DENND3: variants seen among roughly 807,000 people sequenced by gnomAD.
The protein encoded by DENND3 is DENN domain-containing protein 3.
DENND3 carries 88 observed loss-of-function variants against 135.1 expected under a neutral mutation model. The observed-to-expected ratio is 0.65, with a 90% CI of 0.55 to 0.78. The LOEUF (loss-of-function observed/expected upper bound fraction) is 0.78, where lower values mean the gene tolerates loss of function less well. DENND3 is among the 30% of genes least tolerant of loss of function. DENND3 has a pLI of 0.00. For missense variants in DENND3, 1,392 were observed against 1,688.4 expected (o/e 0.82, Z 3.08); for synonymous variants, 693 against 712.3 (o/e 0.97, Z 0.43).
chr8:141,128,797 A>G lies in DENND3; in HGVS notation c.90A>G (p.Arg30=). ...ALLGAPRDSL[R]SLEQVAYKKG... ...TGGGCGCCCCCCGGGACAGTCTCCG[A>G]AGTCTCGAGCAGGTGAGGGGCGGGG... Residue 30 remains arginine, a synonymous_variant, in exon 1 of 23, where the codon CGA becomes CGG. Coordinates refer to ENST00000519811, the MANE Select transcript of DENND3 (RefSeq NM_001352890.3). The surrounding 1 kb of genome is among the most constrained non-coding windows in gnomAD (Gnocchi z 4.5). The G allele has an allele frequency of 6.9e-7, 1 of 1,444,476 alleles. No homozygotes were observed. The highest frequency in any genetic ancestry group is 9.1e-7 in the Non-Finnish European group (1 of 1,095,914). The allele number at this position is 1,444,476 out of a possible 1,614,324, so 89.5% of individuals were successfully genotyped here.
rs766390950 is a variant in DENND3 at position 141,144,053 on chromosome 8, C to T, written c.624-95C>T. On this transcript the variant is annotated intron_variant, in intron 4 of 22. Transcript: ENST00000519811. This position sits in a 1 kb window ranked among gnomAD's most constrained non-coding sequence, Gnocchi z 4.4. ...AAGGTCCTGGAGCTGCTGCTGCAGA[C>T]GCTGGGGAGATTCCAGTGTGATTAG... is the stretch of plus-strand genomic sequence containing the variant. 7.6e-5 allele frequency: 81 copies of T among 1,064,914 alleles called. No homozygotes were observed. The highest frequency in any genetic ancestry group is 9.6e-5 in the Non-Finnish European group (71 of 735,898). 66.0% of individuals were successfully genotyped at this position (1,064,914 alleles called of 1,614,324 possible).
At chr8:141,134,963 C>G (rs942158105) in intron 1 of DENND3, among the ~76,000 whole-genome samples, 1 of 152,046 alleles carries the variant, frequency 6.6e-6, no homozygotes, top group Non-Finnish European at 1.5e-5. Context: ...CCCGCCCGGC[C>G]GAGTAGCTGG....
Position 141,171,908 on chromosome 8 carries a change from C to T in DENND3, c.2276-3292C>T, listed in dbSNP as rs574625338. Among the ~76,000 whole-genome samples, 74 of 147,002 alleles carry T rather than the reference C, an allele frequency of 5.0e-4. No individual in the cohort carries two copies. In the South Asian group the frequency reaches 0.016, roughly 32 times the overall value. The stretch of plus-strand genomic sequence containing the variant: ...GATGGGCATGCACAGTGGGTGTGCA[C>T]AGTGGCCGAGGGTGTGCATGGTGGT... On this transcript the variant is annotated intron_variant, in intron 13 of 22. Coordinates refer to ENST00000519811, the MANE Select transcript of DENND3 (RefSeq NM_001352890.3).
At position 141,192,437 on chromosome 8, in the gene DENND3, G is replaced by A; in HGVS notation, c.3486G>A (p.Gln1162=). The A allele has an allele frequency of 6.2e-7, 1 of 1,614,218 alleles. No homozygotes were observed. The highest frequency in any genetic ancestry group is 1.3e-5 in the African/African-American group (1 of 75,076). The change falls in exon 21 of 23, where the codon CAG becomes CAA. Residue 1162 remains glutamine, a synonymous_variant. Coordinates refer to ENST00000519811, the MANE Select transcript of DENND3 (RefSeq NM_001352890.3). ...CCAGTACCTCCTTCCTGGCCTTCCA[G>A]CTCCTTCCTGAGGTATCCCAGCAGG... ...KDTSTSFLAF[Q]LLPEEEQLWA...
chr8:141,136,704 C>T lies in DENND3; in HGVS notation c.298C>T (p.Pro100Ser). The T allele has an allele frequency of 1.9e-6, 3 of 1,612,364 alleles. No individual in the cohort carries two copies. The highest frequency in any genetic ancestry group is 2.5e-6 in the Non-Finnish European group (3 of 1,179,398). The change falls in exon 2 of 23, where the codon CCG becomes TCG. Residue 100 changes from proline to serine, a missense_variant. Transcript: ENST00000519811. ...CAGACCAGAGCAGTGGAAGGGCCTC[C>T]CGGGGCCCCCCAGAGCGCCAGAGCC... ...KPRPEQWKGL[P>S]GPPRAPEPED...
Position 141,154,173 on chromosome 8 carries a change from C to T in DENND3, c.1075-1676C>T, listed in dbSNP as rs1205907903. On this transcript the variant is annotated intron_variant, in intron 7 of 22. Transcript: ENST00000519811. This position sits in a 1 kb window ranked among gnomAD's most constrained non-coding sequence, Gnocchi z 4.4. ...TCATGTAGCCACCTGAACTGCACTC[C>T]AAAGGGCGGGGCCCAGAATGAGAGC... 1.3e-5 allele frequency among the ~76,000 whole-genome samples: 2 copies of T among 152,244 alleles called. No homozygotes were observed. Among genetic ancestry groups the T allele is most frequent in the Non-Finnish European group, 2.9e-5 (2 of 68,044 alleles).
chr8:141,138,592 G>A lies in DENND3; in HGVS notation c.501+455G>A, dbSNP rs1817060710. Among the ~76,000 whole-genome samples, 1 of 151,978 alleles carries A rather than the reference G, an allele frequency of 6.6e-6. No homozygotes were observed. Among genetic ancestry groups the A allele is most frequent in the Admixed American group, 6.6e-5 (1 of 15,242 alleles). ...GTGGAGACGGGGTTTCACCATGTTG[G>A]CCGGGCTGGTTTCGAACTCCTGACC... On this transcript the variant is annotated intron_variant, in intron 3 of 22. Coordinates refer to ENST00000519811, the MANE Select transcript of DENND3 (RefSeq NM_001352890.3). This position sits in a 1 kb window ranked among gnomAD's most constrained non-coding sequence, Gnocchi z 4.8.
At chr8:141,148,678 A>G (rs1280787868) in intron 5 of DENND3, among the ~76,000 whole-genome samples, 1 of 152,076 alleles carries the variant, frequency 6.6e-6, no homozygotes, top group African/African-American at 2.4e-5. Flanking sequence ...TGAATATTAT[A>G]TGCTGGAAAA....
chr8:141,138,108 GT>G lies in DENND3; in HGVS notation c.473del (p.Val158GlyfsTer56). 1 of 1,609,154 alleles carries G rather than the reference GT, an allele frequency of 6.2e-7. No homozygotes were observed. ...TGTCTGCGGGAATAGGACCTATGGC[GT>G]GGTGGCCCAGTACTACCGGCCCCTG... ...TDVCGNRTYG[V>X]VAQYYRPLHD... On this transcript the variant is annotated frameshift_variant, in exon 3 of 23. Transcript: ENST00000519811. LOFTEE classifies it high-confidence loss of function. The surrounding 1 kb of genome is among the most constrained non-coding windows in gnomAD (Gnocchi z 4.8).
chr8:141,185,450 T>G lies in DENND3; in HGVS notation c.3084+172T>G, dbSNP rs307737. The G allele has an allele frequency of 0.019, 15,089 of 805,606 alleles. 1,662 individuals are homozygous for G. The African/African-American group carries it at 0.23, about 12-fold the overall frequency. 49.9% of individuals were successfully genotyped at this position (805,606 alleles called of 1,614,324 possible). A position where few individuals can be genotyped will look rare whatever the true frequency, so the allele number is the denominator to read the frequency against. On this transcript the variant is annotated intron_variant, in intron 18 of 22. Transcript: ENST00000519811. ...GGAGTTTTCAAATTAAATGTAAGCTTGTTCCAAACTTCTACTTACACGTCC... is the reference window on the plus strand; with the variant it reads ...GGAGTTTTCAAATTAAATGTAAGCTGGTTCCAAACTTCTACTTACACGTCC...
chr8:141,152,946 C>T lies in DENND3; in HGVS notation c.1074+1109C>T, dbSNP rs192308843. Among the ~76,000 whole-genome samples, 309 of 152,160 alleles carry T rather than the reference C, an allele frequency of 2.0e-3. 1 individual carries two copies. The highest frequency in any genetic ancestry group is 7.1e-3 in the African/African-American group (295 of 41,442). On this transcript the variant is annotated intron_variant, in intron 7 of 22. Coordinates refer to ENST00000519811, the MANE Select transcript of DENND3 (RefSeq NM_001352890.3). Reference sequence around the variant, plus strand: ...GCCATTTGAATTGCAGCCCTGCCCCCGACCCGGTGAGGAGGAGCTGGTATC... The same window carrying T: ...GCCATTTGAATTGCAGCCCTGCCCCTGACCCGGTGAGGAGGAGCTGGTATC...
Position 141,154,410 on chromosome 8 carries a change from G to C in DENND3, c.1075-1439G>C, listed in dbSNP as rs568010472. Among the ~76,000 whole-genome samples, 132 of 152,278 alleles carry C rather than the reference G, an allele frequency of 8.7e-4. No homozygotes were observed. The highest frequency in any genetic ancestry group is 3.0e-3 in the African/African-American group (124 of 41,564). On this transcript the variant is annotated intron_variant, in intron 7 of 22. Transcript: ENST00000519811. The surrounding 1 kb of genome is among the most constrained non-coding windows in gnomAD (Gnocchi z 4.4). ...GCTTGGAGGGGCGGAGCTGGCTGGG[G>C]AGCTGAGCCAACACAGTGGATGTTG...
intron 17 of DENND3, among the ~76,000 whole-genome samples, chr8:141,183,731 GTTTTGT>G (rs1569556819): frequency 7.5e-6 from 1 of 133,868 alleles, no homozygotes; most frequent in African/African-American, 3.0e-5. Flanking sequence ...TCAGTTTTTT[GTTTTGT>G]TTTTTTTTTT....
At chr8:141,151,058 C>A in intron 6 of DENND3, 105 bp downstream of exon 6, 1 of 1,393,430 alleles carries the variant, frequency 7.2e-7, no homozygotes, top group Non-Finnish European at 9.4e-7. Flanking sequence ...CCACAATGCA[C>A]CGACTGGTAT....
chr8:141,145,826 TATATATATATATATATATATATATG>T lies in DENND3; in HGVS notation c.735+1568_735+1592del, dbSNP rs1175794202. Among the ~76,000 whole-genome samples the T allele has an allele frequency of 1.9e-3, 116 of 60,140 alleles. 6 individuals carry two copies. Among genetic ancestry groups the T allele is most frequent in the East Asian group, 7.4e-3 (23 of 3,096 alleles). The allele number at this position is 60,140 out of a possible 152,430, so 39.5% of individuals were successfully genotyped here. ...TATTATATATATATATATATATATATATATATATATATATATATATATATGTATTTTTTTTTTTTTGAGGCGGAGT... is the reference window on the plus strand; with the variant it reads ...TATTATATATATATATATATATATATTATTTTTTTTTTTTTGAGGCGGAGT... On this transcript the variant is annotated intron_variant, in intron 5 of 22. Transcript: ENST00000519811.
rs1349626939 is a variant in DENND3 at position 141,192,781 on chromosome 8, A to C, written c.3636+118A>C. On this transcript the variant is annotated intron_variant, in intron 22 of 22. Transcript: ENST00000519811. ...TCGTGCCCTCCTGCCTTCGCCTCTC[A>C]GGGTTCCCCTCCTAACAGGCACGTG... 9 of 1,599,124 alleles carry C rather than the reference A, an allele frequency of 5.6e-6. No homozygotes were observed. In the Middle Eastern group the frequency reaches 4.9e-4, roughly 88 times the overall value.
intron 8 of DENND3, among the ~76,000 whole-genome samples, chr8:141,158,638 C>T (rs1347396054): frequency 8.5e-5 from 13 of 152,194 alleles, no homozygotes. Flanking sequence ...GGTGCCTGCT[C>T]AAGGGGCTCT....
In DENND3 at chr8:141,141,315, G is replaced by A. The variant is rs1817424233; in HGVS notation, c.614G>A (p.Cys205Tyr). The A allele has an allele frequency of 6.2e-7, 1 of 1,613,494 alleles. No individual in the cohort carries two copies. Among genetic ancestry groups the A allele is most frequent in the Admixed American group, 1.7e-5 (1 of 59,994 alleles). ...RFPYYNSLKD[C>Y]LSCLLALLKP... ...CCCTATTACAACTCCCTCAAGGACT[G>A]CCTTTCCTGGTGAGCTGGGGCACCG... Residue 205 changes from cysteine to tyrosine, a missense_variant, in exon 4 of 23, where the codon TGC (cysteine) becomes TAC (tyrosine). Coordinates refer to ENST00000519811, the MANE Select transcript of DENND3 (RefSeq NM_001352890.3). This position sits in a 1 kb window ranked among gnomAD's most constrained non-coding sequence, Gnocchi z 5.3.
chr8:141,136,134 C>T (rs1187130033), intron 1 of DENND3, among the ~76,000 whole-genome samples: 1 of 152,232 alleles, frequency 6.6e-6, no homozygotes, highest in Non-Finnish European at 1.5e-5. Flanking sequence ...GTACTCGCCG[C>T]TTAAAGGGAA....
Sources: gnomAD v4.1 joint callset for allele counts (sites outside exome capture counted in the v4.1 genomes callset) on GRCh38, gnomAD v4.1.1 for gene constraint, Gnocchi (gnomAD v3.1) non-coding constraint, MANE v1.5 for transcripts, NCBI Gene and HGNC (gene_info 2026-07-23, HGNC 2026-07-21) for gene names.